RYR2: variants seen among roughly 807,000 people sequenced by gnomAD.
RYR2 encodes the protein ryanodine receptor 2, also known as cardiac muscle ryanodine receptor-calcium release channel.
RYR2 carries 227 observed loss-of-function variants against 601.1 expected under a neutral mutation model. The ratio of observed to expected loss-of-function variants is 0.38; its 90% CI spans 0.34 to 0.42. The LOEUF (loss-of-function observed/expected upper bound fraction) is 0.42, where lower values mean the gene tolerates loss of function less well. Ranked by LOEUF, RYR2 falls within the 10% of genes least tolerant of loss-of-function variation. The probability of loss-of-function intolerance (pLI) is 1.00; values close to 1 mark genes in which losing one functional copy is unlikely to be tolerated. For missense variants in RYR2, 4,646 were observed against 6,156.5 expected, an observed-to-expected ratio of 0.75 and a Z score of 8.21; for synonymous variants, 2,223 against 2,175.1, an observed-to-expected ratio of 1.02 and a Z score of -0.61.
chr1:237,770,266 TAAC>T (rs926941094), intron 84 of RYR2, among the ~76,000 whole-genome samples: 2 of 152,214 alleles, frequency 1.3e-5, no homozygotes, highest in African/African-American at 4.8e-5. Flanking sequence ...GTCAACCTGA[TAAC>T]AAAGTTAATT....
intron 37 of RYR2, among the ~76,000 whole-genome samples, chr1:237,616,331 A>G (rs1281174667): frequency 6.6e-6 from 1 of 152,230 alleles, no homozygotes; most frequent in African/African-American, 2.4e-5. Flanking sequence ...TTCTACCAAC[A>G]TACTCACTCA....
chr1:237,607,801 T>C (rs1677311678), intron 35 of RYR2, among the ~76,000 whole-genome samples: 2 of 152,288 alleles, frequency 1.3e-5, no homozygotes, highest in African/African-American at 4.8e-5. Context: ...TTGGAGTGAA[T>C]AGAGTAGATA....
At chr1:237,137,559 G>T (rs1009865976) in intron 1 of RYR2, among the ~76,000 whole-genome samples, 14 of 152,160 alleles carry the variant, frequency 9.2e-5, no homozygotes, top group Non-Finnish European at 1.6e-4. Flanking sequence ...TAAATTGGTA[G>T]CAAATGATGT....
intron 51 of RYR2, among the ~76,000 whole-genome samples, chr1:237,652,000 G>A (rs553417379): frequency 6.6e-6 from 1 of 151,818 alleles, no homozygotes; most frequent in South Asian, 2.1e-4. Context: ...TCGCACCACT[G>A]ACTCCAGCCT....
intron 77 of RYR2, among the ~76,000 whole-genome samples, chr1:237,731,177 C>T (rs1056610811): frequency 2.0e-5 from 3 of 151,908 alleles, no homozygotes; most frequent in African/African-American, 7.3e-5. Context: ...TTGTGGAAAT[C>T]TGCCCATTAT....
At chr1:237,472,247 C>G (rs1344430641) in intron 17 of RYR2, among the ~76,000 whole-genome samples, 2 of 152,074 alleles carry the variant, frequency 1.3e-5, no homozygotes, top group Non-Finnish European at 2.9e-5. Context: ...TTTTTTTCCT[C>G]TCTGTAATAA....
chr1:237,586,854 G>A (rs1674584984), intron 29 of RYR2, among the ~76,000 whole-genome samples: 1 of 151,896 alleles, frequency 6.6e-6, no homozygotes, highest in African/African-American at 2.4e-5. Context: ...CAAGTAACTG[G>A]GACTACAGGT....
chr1:237,359,185 C>T (rs112017544), intron 4 of RYR2, among the ~76,000 whole-genome samples: 3,058 of 152,266 alleles, frequency 0.02, 48 homozygotes, highest in Non-Finnish European at 0.035. Context: ...AGAACACTTA[C>T]ATTAGCTTAC....
At chr1:237,548,978 T>C (rs988780304) in intron 26 of RYR2, among the ~76,000 whole-genome samples, 1 of 152,220 alleles carries the variant, frequency 6.6e-6, no homozygotes, top group Non-Finnish European at 1.5e-5. Context: ...GAATTCAGTC[T>C]TTTTATTTGG....
chr1:237,396,295 T>C (rs1702852154), intron 10 of RYR2, among the ~76,000 whole-genome samples: 1 of 152,160 alleles, frequency 6.6e-6, no homozygotes, highest in Admixed American at 6.5e-5. Flanking sequence ...TCATCTATAT[T>C]GAGAATACCT....
chr1:237,535,237 T>A (rs1051721266), intron 25 of RYR2, among the ~76,000 whole-genome samples: 1 of 151,780 alleles, frequency 6.6e-6, no homozygotes, highest in Non-Finnish European at 1.5e-5. Context: ...ACACCAATGA[T>A]GCCAAGAGCC....
rs555186181 is a variant in RYR2, at chr1:237,724,629, A to G, written c.10689+1367A>G. On this transcript the variant is annotated intron_variant, in intron 74 of 104. Transcript: ENST00000366574. ...TATTTTCATGAAATATTAAATAAAT[A>G]CAAATTATCATCAATCAGCAGATGA... Among the ~76,000 whole-genome samples, 84 of 152,120 alleles carry G rather than the reference A, an allele frequency of 5.5e-4. 1 individual carries two copies. Among genetic ancestry groups the G allele is most frequent in the African/African-American group, 2.0e-3 (82 of 41,548 alleles).
chr1:237,086,463 G>C (rs995000636), intron 1 of RYR2, among the ~76,000 whole-genome samples: 6 of 152,132 alleles, frequency 3.9e-5, no homozygotes, highest in Non-Finnish European at 7.3e-5. Context: ...ACACAATTCA[G>C]TCCTTAACCC....
chr1:237,624,366 C>A (rs761635659), intron 39 of RYR2, among the ~76,000 whole-genome samples: 1 of 152,104 alleles, frequency 6.6e-6, no homozygotes, highest in Non-Finnish European at 1.5e-5. Context: ...AAACAAAACC[C>A]CCCAAAACAA....
chr1:237,397,822 C>T (rs972914565), intron 10 of RYR2, among the ~76,000 whole-genome samples: 48 of 151,524 alleles, frequency 3.2e-4, no homozygotes, highest in African/African-American at 1.0e-3. Context: ...CCCAGGTTCA[C>T]GCCATTCTCC....
intron 3 of RYR2, chr1:237,352,962 T>C: frequency 2.4e-6 from 1 of 423,300 alleles, no homozygotes; most frequent in Non-Finnish European, 4.8e-6. Flanking sequence ...AAAGGCAAAA[T>C]AATGAACTTT....
chr1:237,569,866 C>G (rs1471511126), intron 29 of RYR2, among the ~76,000 whole-genome samples: 1 of 152,146 alleles, frequency 6.6e-6, no homozygotes, highest in African/African-American at 2.4e-5. Flanking sequence ...AAGCACCATG[C>G]AGGGAGCACG....
At chr1:237,540,662 G>A (rs954412149) in intron 25 of RYR2, among the ~76,000 whole-genome samples, 10 of 151,110 alleles carry the variant, frequency 6.6e-5, no homozygotes, top group African/African-American at 1.2e-4. Flanking sequence ...AGCTGAGATC[G>A]CATCATTGTA....
At position 237,469,085 on chromosome 1, in the gene RYR2, T is replaced by A. The variant is rs1010908077; in HGVS notation, c.1613-7T>A. ...CATAAAGGTGAAATCTATTTCTTCT[T>A]TTGCAGCGGCTCTAATTAGAGGAAA... On this transcript the variant is annotated splice_polypyrimidine_tract_variant and splice_region_variant and intron_variant, in intron 16 of 104. Transcript: ENST00000366574. 1.2e-6 allele frequency: 2 copies of A among 1,611,798 alleles called. No individual in the cohort carries two copies. The highest frequency in any genetic ancestry group is 1.1e-5 in the South Asian group (1 of 91,014).
Sources: gnomAD v4.1 joint callset for allele counts (sites outside exome capture counted in the v4.1 genomes callset) on GRCh38, gnomAD v4.1.1 for gene constraint, MANE v1.5 for transcripts, NCBI Gene and HGNC (gene_info 2026-07-23, HGNC 2026-07-21) for gene names.